The following SLC38A8 variants were observed in gnomAD, a reference collection of about 807,000 sequenced individuals.
SLC38A8 encodes the protein amino acid transporter SLC38A8.
Under a neutral mutation model 46.0 loss-of-function variants are expected in SLC38A8, and 65 were observed. That is an observed-to-expected ratio of 1.41 (90% CI 1.16 to 1.74). SLC38A8 has a LOEUF of 1.74. SLC38A8 is among the 40% of genes most tolerant of loss of function. The pLI is 0.00. For missense variants in SLC38A8, 998 were observed against 567.9 expected (o/e 1.76, Z -7.70); for synonymous variants, 447 against 243.7 (o/e 1.83, Z -7.77).
At chr16:84,036,557 CATGTTAGGA>C (rs1438901512) in intron 3 of SLC38A8, 136 bp downstream of exon 3, 4 of 901,980 alleles carry the variant, frequency 4.4e-6, no homozygotes, top group Non-Finnish European at 6.7e-6. Flanking sequence ...CCTTCCCTAC[CATGTTAGGA>C]ACAAGAGTGT....
chr16:84,032,909 A>T (rs9940207), intron 4 of SLC38A8, among the ~76,000 whole-genome samples: 2,142 of 80,152 alleles, frequency 0.027, 39 homozygotes, highest in Middle Eastern at 0.077. Context: ...TGGGTGGGTG[A>T]GCATGGGTGG....
Position 84,009,731 on chromosome 16 carries a change from C to A in SLC38A8, c.*53G>T, listed in dbSNP as rs2084932553. On this transcript the variant is annotated 3_prime_UTR_variant, in exon 11 of 11. Coordinates refer to ENST00000299709, the MANE Select transcript of SLC38A8 (RefSeq NM_001080442.3). ...TCGGTCTCCTGGCTGCATACAGCAG[C>A]CACGTAGGGTCAGCCCCCGGAGGGC... 2.0e-6 allele frequency: 3 copies of A among 1,511,080 alleles called. No individual in the cohort carries two copies. Among genetic ancestry groups the A allele is most frequent in the African/African-American group, 2.8e-5 (2 of 71,638 alleles). The allele number at this position is 1,511,080 out of a possible 1,614,324, so 93.6% of individuals were successfully genotyped here.
intron 6 of SLC38A8, among the ~76,000 whole-genome samples, chr16:84,025,534 G>A (rs777564552): frequency 5.9e-5 from 9 of 152,128 alleles, no homozygotes; most frequent in East Asian, 1.9e-4. Context: ...CCAAGTCTGC[G>A]TTGCTCAGGG....
In SLC38A8 at chr16:84,036,871, C is replaced by T; in HGVS notation, c.219G>A (p.Leu73=). ...CAGCAGCAGCATAGCCCAGGATGACCAGCCCGCTGATCAGGAAGACCAACG... is the reference window on the plus strand; with the variant it reads ...CAGCAGCAGCATAGCCCAGGATGACTAGCCCGCTGATCAGGAAGACCAACG... ...LVSLVFLISG[L]VILGYAAAVS... The change falls in exon 3 of 11, where the codon CTG becomes CTA. Residue 73 remains leucine (L), a synonymous_variant. Transcript: ENST00000299709. 2 of 1,613,078 alleles carry T rather than the reference C, an allele frequency of 1.2e-6. No individual in the cohort carries two copies. The highest frequency in any genetic ancestry group is 1.1e-5 in the South Asian group (1 of 91,028).
At chr16:84,015,526 A>T (rs953041082) in intron 9 of SLC38A8, among the ~76,000 whole-genome samples, 1 of 152,070 alleles carries the variant, frequency 6.6e-6, no homozygotes, top group African/African-American at 2.4e-5. Context: ...TAGCATGGAC[A>T]GAGCTGTATG....
At chr16:84,024,295 A>C (rs2085134538) in intron 6 of SLC38A8, among the ~76,000 whole-genome samples, 1 of 152,196 alleles carries the variant, frequency 6.6e-6, no homozygotes, top group African/African-American at 2.4e-5. Flanking sequence ...ACATGGGTGC[A>C]CACATACTTA....
At chr16:84,017,578 G>C (rs772549719) in intron 7 of SLC38A8, among the ~76,000 whole-genome samples, 1 of 152,194 alleles carries the variant, frequency 6.6e-6, no homozygotes, top group Non-Finnish European at 1.5e-5. Flanking sequence ...GAAGCACAGA[G>C]CACTTTGAAA....
intron 6 of SLC38A8, 60 bp downstream of exon 6, chr16:84,029,434 C>A (rs768888165): frequency 1.5e-5 from 23 of 1,578,954 alleles, no homozygotes; most frequent in Non-Finnish European, 1.9e-5. Flanking sequence ...CCCAAGGGAG[C>A]AGAGAGTCAC....
chr16:84,029,525 C>T lies in SLC38A8; in HGVS notation c.659G>A (p.Ser220Asn), dbSNP rs11862366. The part of the protein sequence containing the change: ...LSPASWTSVF[S>N]VFPTICFGFQ... Reference sequence around the variant, plus strand: ...CCCGAAGCAGATGGTGGGGAAGACACTGAACACAGAGGTCCAGGAGGCAGG... The same window carrying T: ...CCCGAAGCAGATGGTGGGGAAGACATTGAACACAGAGGTCCAGGAGGCAGG... Residue 220 changes from serine to asparagine, a missense_variant, in exon 6 of 11, where the codon AGT becomes AAT. Transcript: ENST00000299709. 5 of 1,613,988 alleles carry T rather than the reference C, an allele frequency of 3.1e-6. No homozygotes were observed. Among genetic ancestry groups the T allele is most frequent in the South Asian group, 2.2e-5 (2 of 91,088 alleles).
Position 84,038,358 on chromosome 16 carries a change from G to A in SLC38A8, c.190-1458C>T, listed in dbSNP as rs190951680. Among the ~76,000 whole-genome samples the A allele has an allele frequency of 9.8e-4, 148 of 151,716 alleles. 1 individual carries two copies. Among genetic ancestry groups the A allele is most frequent in the African/African-American group, 3.4e-3 (141 of 41,364 alleles). ...ACAGGAAAGTTGCAAGAACGTTACAGTGAACACCCCTGTGGGCAGCCACCC... is the reference window on the plus strand; with the variant it reads ...ACAGGAAAGTTGCAAGAACGTTACAATGAACACCCCTGTGGGCAGCCACCC... On this transcript the variant is annotated intron_variant, in intron 2 of 10. Transcript: ENST00000299709.
rs752280431 is a variant in SLC38A8 at position 84,031,827 on chromosome 16, T to C, written c.632+40A>G. The C allele has an allele frequency of 1.9e-6, 3 of 1,575,912 alleles. No individual in the cohort carries two copies. In the African/African-American group the frequency reaches 4.0e-5, roughly 21 times the overall value. On this transcript the variant is annotated intron_variant, in intron 5 of 10. Transcript: ENST00000299709. The stretch of plus-strand genomic sequence containing the variant: ...CCCTCACAGACTCCCCTGCCGTGCC[T>C]CCCCGCCGAGGCTGCCGGAAGCTGT...
chr16:84,016,391 A>G (rs1567691142), intron 9 of SLC38A8, 128 bp downstream of exon 9: 2 of 1,044,196 alleles, frequency 1.9e-6, no homozygotes, highest in Non-Finnish European at 2.7e-6. Flanking sequence ...GGGCACCTAC[A>G]TGGGGTCTTA....
At chr16:84,032,569 C>T (rs1470246450) in intron 4 of SLC38A8, among the ~76,000 whole-genome samples, 3 of 152,220 alleles carry the variant, frequency 2.0e-5, no homozygotes, top group Non-Finnish European at 2.9e-5. Flanking sequence ...GCTAATCAGC[C>T]ACTCAGCCTG....
At chr16:84,016,274 G>C (rs1258631374) in intron 9 of SLC38A8, among the ~76,000 whole-genome samples, 1 of 152,198 alleles carries the variant, frequency 6.6e-6, no homozygotes, top group Admixed American at 6.5e-5. Flanking sequence ...ACAGTTCAAG[G>C]TGAGATTTGG....
In SLC38A8 at chr16:84,042,136, T is replaced by C; in HGVS notation, c.22A>G (p.Ser8Gly). Residue 8 changes from serine (S) to glycine (G), a missense_variant, in exon 2 of 11, where the codon AGC becomes GGC. Transcript: ENST00000299709. ...TGAGGCTTTTCTGGAAGGCCCCTGC[T>C]TCCTGGGGTCTGTCCCTCCATGGCT... is the stretch of plus-strand genomic sequence containing the variant. MEGQTPG[S>G]RGLPEKPHPA... 6.2e-7 allele frequency: 1 copy of C among 1,612,966 alleles called. No homozygotes were observed. Among genetic ancestry groups the C allele is most frequent in the South Asian group, 1.1e-5 (1 of 90,852 alleles).
chr16:84,024,707 G>A (rs1022445908), intron 6 of SLC38A8, among the ~76,000 whole-genome samples: 1 of 152,078 alleles, frequency 6.6e-6, no homozygotes, highest in Admixed American at 6.5e-5. Flanking sequence ...CTCAAGCCTG[G>A]GAGGCAGAGT....
intron 9 of SLC38A8, among the ~76,000 whole-genome samples, chr16:84,013,699 G>A (rs771260293): frequency 1.9e-4 from 28 of 151,280 alleles, no homozygotes; most frequent in Middle Eastern, 3.4e-3. Context: ...AAAGTGCTGG[G>A]ATTACAGGCA....
intron 10 of SLC38A8, 68 bp from the exon 11 acceptor site, chr16:84,009,945 A>G: frequency 1.4e-6 from 2 of 1,406,806 alleles, no homozygotes; most frequent in Non-Finnish European, 2.0e-6. Context: ...CACACACATA[A>G]AAAATTCACT....
Position 84,030,871 on chromosome 16 carries a change from C to G in SLC38A8, c.632+996G>C, listed in dbSNP as rs184243672. 2.0e-3 allele frequency among the ~76,000 whole-genome samples: 299 copies of G among 146,688 alleles called. 8 individuals are homozygous for G. In the East Asian group the frequency reaches 0.058, roughly 28 times the overall value. ...TCGCACACCCACGAGCCAGCCCTGC[C>G]ACTGGGAAATCCGATCTCAAGCATA... is the stretch of plus-strand genomic sequence containing the variant. On this transcript the variant is annotated intron_variant, in intron 5 of 10. Transcript: ENST00000299709.
Sources: gnomAD v4.1 joint callset for allele counts (sites outside exome capture counted in the v4.1 genomes callset) on GRCh38, gnomAD v4.1.1 for gene constraint, MANE v1.5 for transcripts, NCBI Gene and HGNC (gene_info 2026-07-23, HGNC 2026-07-21) for gene names.